The following ARHGAP29 variants were observed in gnomAD, a reference collection of about 807,000 sequenced individuals.
The protein encoded by ARHGAP29 is Rho GTPase activating protein 29.
In ARHGAP29, 43 loss-of-function variants were observed where a neutral mutation model predicts 122.6. The ratio of observed to expected loss-of-function variants is 0.35; its 90% confidence interval spans 0.27 to 0.45. The LOEUF is 0.45. Among genes scored for constraint, ARHGAP29 ranks in the 20% least tolerant of loss-of-function variants. The probability of loss-of-function intolerance (pLI) is 1.00; values close to 1 mark genes in which losing one functional copy is unlikely to be tolerated. For synonymous variants in ARHGAP29, 506 were observed against 497.1 expected (o/e 1.02, Z -0.24); for missense variants, 1,303 against 1,477.2 (o/e 0.88, Z 1.93).
chr1:94,287,641 T>C, the ARHGAP29 span, among the ~76,000 whole-genome samples: 1 of 152,100 alleles, frequency 6.6e-6, no homozygotes, highest in Non-Finnish European at 1.5e-5. Flanking sequence ...CTCCTAATGC[T>C]ATCCCCCCCA....
chr1:94,229,957 A>G (rs1326283358), intron 2 of ARHGAP29, among the ~76,000 whole-genome samples: 5 of 151,656 alleles, frequency 3.3e-5, no homozygotes, highest in African/African-American at 1.2e-4. Flanking sequence ...ACAAATAGAA[A>G]TCTTAACTAA....
At position 94,220,369 on chromosome 1, in the gene ARHGAP29, T is replaced by C. The variant is rs773896118; in HGVS notation, c.229A>G (p.Ile77Val). 4.4e-6 allele frequency: 7 copies of C among 1,604,212 alleles called. No individual in the cohort carries two copies. The highest frequency in any genetic ancestry group is 4.0e-5 in the African/African-American group (3 of 74,600). ...ACACGGAGCAGTTCCTCTAGACGTATATGAATAACTTCTTTAAAACAGTCT... is the reference window on the plus strand; with the variant it reads ...ACACGGAGCAGTTCCTCTAGACGTACATGAATAACTTCTTTAAAACAGTCT... ...FSDCFKEVIHIRLEELLRVLK... is the reference protein window; with the variant it reads ...FSDCFKEVIHVRLEELLRVLK... The change falls in exon 3 of 23, where the codon ATA becomes GTA. Residue 77 changes from isoleucine (I) to valine (V), a missense_variant. This residue lies in a region of ARHGAP29 where 592 missense variants were observed against 648.2 expected (regional missense o/e 0.91). Coordinates refer to ENST00000260526, the MANE Select transcript of ARHGAP29 (RefSeq NM_004815.4).
intron 5 of ARHGAP29, among the ~76,000 whole-genome samples, chr1:94,206,376 C>T (rs955171150): frequency 6.6e-6 from 1 of 152,048 alleles, no homozygotes; most frequent in Non-Finnish European, 1.5e-5. Flanking sequence ...TTAAATTGGG[C>T]AATACAGGGT....
chr1:94,295,020 A>G, the ARHGAP29 span, among the ~76,000 whole-genome samples: 1 of 152,186 alleles, frequency 6.6e-6, no homozygotes, highest in East Asian at 1.9e-4. Flanking sequence ...GTGAGAAAAG[A>G]GGTAAGAAAG....
chr1:94,170,439 T>G lies in ARHGAP29; in HGVS notation c.*3430A>C, dbSNP rs1262575890. Reference sequence around the variant, plus strand: ...GTCTGAAAAGATGTTCTGGACTGAATGAAACAAGAGATAGGGCAACTAAAT... The same window carrying G: ...GTCTGAAAAGATGTTCTGGACTGAAGGAAACAAGAGATAGGGCAACTAAAT... On this transcript the variant is annotated 3_prime_UTR_variant, in exon 23 of 23. Coordinates refer to ENST00000260526, the MANE Select transcript of ARHGAP29 (RefSeq NM_004815.4). 6.6e-6 allele frequency among the ~76,000 whole-genome samples: 1 copy of G among 152,150 alleles called. No homozygotes were observed. The highest frequency in any genetic ancestry group is 2.4e-5 in the African/African-American group (1 of 41,440).
chr1:94,218,296 T>A (rs1245776497), intron 3 of ARHGAP29, among the ~76,000 whole-genome samples: 1 of 152,178 alleles, frequency 6.6e-6, no homozygotes, highest in South Asian at 2.1e-4. Context: ...AACAACAAAA[T>A]AATCTTCCCC....
chr1:94,276,828 C>T (rs1655209721), upstream of ARHGAP29, among the ~76,000 whole-genome samples: 1 of 142,560 alleles, frequency 7.0e-6, no homozygotes. Flanking sequence ...TCCCAATTCT[C>T]TATTCACTGT....
intron 6 of ARHGAP29, among the ~76,000 whole-genome samples, 200 bp downstream of exon 6, chr1:94,205,435 T>C (rs1347076284): frequency 6.6e-6 from 1 of 152,184 alleles, no homozygotes; most frequent in African/African-American, 2.4e-5. Flanking sequence ...CTTTACACAA[T>C]TCTTGATCAG....
chr1:94,211,305 A>AAAAC (rs752822104), intron 3 of ARHGAP29, among the ~76,000 whole-genome samples: 10,845 of 144,614 alleles, frequency 0.075, 918 homozygotes, highest in African/African-American at 0.15. Flanking sequence ...AAAAAAAAAA[A>AAAAC]AAAAAAAAGG....
chr1:94,211,175 T>C (rs1474104658), intron 3 of ARHGAP29, among the ~76,000 whole-genome samples: 1 of 148,066 alleles, frequency 6.8e-6, no homozygotes, highest in East Asian at 2.0e-4. Flanking sequence ...TAATCCCAGC[T>C]ACTGGGAAGG....
upstream of ARHGAP29, among the ~76,000 whole-genome samples, chr1:94,239,591 G>T (rs1447290742): frequency 6.6e-6 from 1 of 151,816 alleles, no homozygotes; most frequent in Non-Finnish European, 1.5e-5. Context: ...AAGAGGGAAA[G>T]AAGAAAGAAA....
chr1:94,301,700 A>G, the ARHGAP29 span, among the ~76,000 whole-genome samples: 1 of 152,184 alleles, frequency 6.6e-6, no homozygotes, highest in Non-Finnish European at 1.5e-5. Context: ...GTGCTGGATA[A>G]TCAAAAACAA....
At chr1:94,208,241 T>C (rs1049210722) in intron 5 of ARHGAP29, among the ~76,000 whole-genome samples, 1 of 152,114 alleles carries the variant, frequency 6.6e-6, no homozygotes, top group African/African-American at 2.4e-5. Flanking sequence ...GCTGGGACTA[T>C]AGGCATGAGT....
the ARHGAP29 span, among the ~76,000 whole-genome samples, chr1:94,305,674 T>A: frequency 6.6e-6 from 1 of 152,126 alleles, no homozygotes; most frequent in Non-Finnish European, 1.5e-5. Context: ...GGGATGAATA[T>A]AAGAGATATA....
intron 12 of ARHGAP29, among the ~76,000 whole-genome samples, chr1:94,199,476 T>C (rs1447681517): frequency 6.6e-6 from 1 of 152,070 alleles, no homozygotes; most frequent in Non-Finnish European, 1.5e-5. Flanking sequence ...AGAGACTGAC[T>C]CTCTCTGGGC....
chr1:94,205,262 G>T, intron 6 of ARHGAP29, 64 bp from the exon 7 acceptor site: 1 of 1,265,254 alleles, frequency 7.9e-7, no homozygotes, highest in Non-Finnish European at 1.0e-6. Context: ...TCCAAACAAA[G>T]AAGCACTGAG....
intron 2 of ARHGAP29, among the ~76,000 whole-genome samples, chr1:94,225,003 G>T (rs886475892): frequency 6.6e-6 from 1 of 152,104 alleles, no homozygotes; most frequent in Non-Finnish European, 1.5e-5. Context: ...AAATGAACAT[G>T]ATGACTAAAT....
intron 1 of ARHGAP29, among the ~76,000 whole-genome samples, chr1:94,260,518 T>A (rs1049507902): frequency 6.6e-6 from 1 of 152,156 alleles, no homozygotes; most frequent in Non-Finnish European, 1.5e-5. Context: ...CTGTCAGTGT[T>A]CTATGGAGTA....
At chr1:94,207,495 G>A (rs1356293573) in intron 5 of ARHGAP29, among the ~76,000 whole-genome samples, 1 of 152,050 alleles carries the variant, frequency 6.6e-6, no homozygotes, top group Non-Finnish European at 1.5e-5. Flanking sequence ...CACAATAGAG[G>A]TACAGAAACA....
Sources: allele counts gnomAD v4.1 joint callset (sites outside exome capture counted in the v4.1 genomes callset), GRCh38; gene constraint gnomAD v4.1.1; regional missense constraint gnomAD v4.1.1; transcripts MANE v1.5; gene names NCBI Gene and HGNC (gene_info 2026-07-23, HGNC 2026-07-21).